Variants in IGSF11 observed in about 807,000 individuals in gnomAD.
IGSF11 encodes immunoglobulin superfamily member 11.
In IGSF11, 22 loss-of-function variants were observed where a neutral mutation model predicts 41.0. The observed-to-expected ratio is 0.54, with a 90% CI of 0.38 to 0.77. The LOEUF (loss-of-function observed/expected upper bound fraction) is 0.77. Among genes scored for constraint, IGSF11 ranks in the 30% least tolerant of loss-of-function variants. The pLI, the probability that IGSF11 is intolerant of heterozygous loss-of-function variation, is 0.00. For missense variants in IGSF11, 444 were observed against 530.8 expected (o/e 0.84, Z 1.61); for synonymous variants, 219 against 201.3 (o/e 1.09, Z -0.74).
intron 1 of IGSF11, among the ~76,000 whole-genome samples, chr3:119,063,463 T>A (rs1942118693): frequency 6.6e-6 from 1 of 152,162 alleles, no homozygotes; most frequent in Non-Finnish European, 1.5e-5. Context: ...CATGAGGGGT[T>A]TTTTTGTTAT....
chr3:119,102,707 T>G (rs997495491), intron 1 of IGSF11, among the ~76,000 whole-genome samples: 6 of 152,214 alleles, frequency 3.9e-5, no homozygotes, highest in South Asian at 2.1e-4. Context: ...TTCTAAATTT[T>G]TTGTGGATTC....
intron 1 of IGSF11, among the ~76,000 whole-genome samples, chr3:119,088,515 C>T (rs996890486): frequency 3.3e-5 from 5 of 151,826 alleles, no homozygotes; most frequent in Admixed American, 6.6e-5. Context: ...TGCCTAAAGG[C>T]ACTACAAAAA....
intron 4 of IGSF11, among the ~76,000 whole-genome samples, chr3:118,908,958 T>C (rs999680166): frequency 3.9e-5 from 6 of 152,190 alleles, no homozygotes; most frequent in African/African-American, 1.4e-4. Context: ...ATCTGTAATA[T>C]GGAGCTACCA....
intron 1 of IGSF11, among the ~76,000 whole-genome samples, chr3:119,045,400 T>C (rs1424417784): frequency 1.3e-5 from 2 of 152,060 alleles, no homozygotes; most frequent in African/African-American, 4.8e-5. Context: ...ACCTGGAAAA[T>C]CGGGTCACTC....
chr3:119,085,718 G>T (rs529073464), intron 1 of IGSF11, among the ~76,000 whole-genome samples: 157 of 152,328 alleles, frequency 1.0e-3, no homozygotes, highest in African/African-American at 3.7e-3. Flanking sequence ...TTCTTGAGCT[G>T]AAGACTTCAT....
At chr3:118,996,879 G>A (rs898947902) in intron 1 of IGSF11, among the ~76,000 whole-genome samples, 2 of 152,182 alleles carry the variant, frequency 1.3e-5, no homozygotes, top group East Asian at 1.9e-4. Flanking sequence ...GATTACAGGC[G>A]TGAGCCACCG....
chr3:118,944,113 AT>A lies in IGSF11; in HGVS notation c.53-13839del, dbSNP rs1471947485. ...TTAAAATTTTTCTTGATTTTTAGAT[AT>A]GTTTGTGTTAGTACTAATTTAACTT... On this transcript the variant is annotated intron_variant, in intron 1 of 6. Coordinates refer to ENST00000393775, the MANE Select transcript of IGSF11 (RefSeq NM_001015887.3). Among the ~76,000 whole-genome samples, 11 of 152,318 alleles carry A rather than the reference AT, an allele frequency of 7.2e-5. No homozygotes were observed. In the East Asian group the frequency reaches 1.4e-3, roughly 19 times the overall value.
intron 1 of IGSF11, among the ~76,000 whole-genome samples, chr3:119,110,968 T>G (rs1376494303): frequency 2.6e-5 from 4 of 151,954 alleles, no homozygotes; most frequent in Admixed American, 6.6e-5. Context: ...CCGCTATTAG[T>G]CTGATGGGCT....
At chr3:118,903,631 G>A (rs1939201444) in intron 6 of IGSF11, among the ~76,000 whole-genome samples, 1 of 152,076 alleles carries the variant, frequency 6.6e-6, no homozygotes, top group Non-Finnish European at 1.5e-5. Flanking sequence ...AAACGCTTAA[G>A]AATTACAACA....
intron 1 of IGSF11, among the ~76,000 whole-genome samples, chr3:119,017,188 T>G (rs888819772): frequency 1.3e-5 from 2 of 152,278 alleles, no homozygotes; most frequent in South Asian, 4.1e-4. Flanking sequence ...CACGTTTCAC[T>G]TAATGACAGG....
intron 4 of IGSF11, among the ~76,000 whole-genome samples, chr3:118,909,264 CTG>C (rs1261488800): frequency 6.6e-6 from 1 of 151,996 alleles, no homozygotes; most frequent in East Asian, 1.9e-4. Flanking sequence ...CTATAATAAA[CTG>C]AACATTTCTT....
At chr3:119,104,960 G>C (rs1352000899) in intron 1 of IGSF11, among the ~76,000 whole-genome samples, 1 of 151,952 alleles carries the variant, frequency 6.6e-6, no homozygotes, top group East Asian at 1.9e-4. Context: ...ACATAGCAAG[G>C]GCTCAATAAA....
chr3:118,930,373 T>C (rs1383270189), intron 1 of IGSF11, 98 bp from the exon 2 acceptor site: 4 of 1,174,184 alleles, frequency 3.4e-6, no homozygotes, highest in Admixed American at 2.5e-5. Context: ...CACATTATTA[T>C]TGATTATGTG....
At chr3:119,046,691 G>A (rs1178824012) in intron 1 of IGSF11, among the ~76,000 whole-genome samples, 1 of 152,018 alleles carries the variant, frequency 6.6e-6, no homozygotes, top group African/African-American at 2.4e-5. Flanking sequence ...ACACATAATT[G>A]TCAGATTCAC....
chr3:118,948,691 C>T lies in IGSF11; in HGVS notation c.53-18416G>A, dbSNP rs140734231. Among the ~76,000 whole-genome samples the T allele has an allele frequency of 3.4e-3, 518 of 152,160 alleles. 3 individuals are homozygous for T. Among genetic ancestry groups the T allele is most frequent in the African/African-American group, 0.011 (463 of 41,514 alleles). Reference sequence around the variant, plus strand: ...CTTAAAAAGCAAACATTAGGCCGGGCGTGATGGCTCACGCCTGTAATCCCA... The same window carrying T: ...CTTAAAAAGCAAACATTAGGCCGGGTGTGATGGCTCACGCCTGTAATCCCA... On this transcript the variant is annotated intron_variant, in intron 1 of 6. Coordinates refer to ENST00000393775, the MANE Select transcript of IGSF11 (RefSeq NM_001015887.3).
chr3:118,997,863 A>G (rs1306503767), intron 1 of IGSF11, among the ~76,000 whole-genome samples: 1 of 152,200 alleles, frequency 6.6e-6, no homozygotes, highest in Non-Finnish European at 1.5e-5. Flanking sequence ...AAAATATTTA[A>G]TATAATGTAC....
In IGSF11 at chr3:118,913,413, T is replaced by C. The variant is rs546889836; in HGVS notation, c.581-7695A>G. On this transcript the variant is annotated intron_variant, in intron 4 of 6. Coordinates refer to ENST00000393775, the MANE Select transcript of IGSF11 (RefSeq NM_001015887.3). ...TACAGAACACCAAGTACAAAACAAC[T>C]GCAAAAAGCAAAGGAAGGAAAACAC... Among the ~76,000 whole-genome samples the C allele has an allele frequency of 1.6e-4, 24 of 151,874 alleles. 1 individual carries two copies. The South Asian group carries it at 4.6e-3, about 29-fold the overall frequency.
At chr3:119,128,916 A>G (rs1321389493) in intron 1 of IGSF11, among the ~76,000 whole-genome samples, 3 of 152,218 alleles carry the variant, frequency 2.0e-5, no homozygotes, top group Non-Finnish European at 4.4e-5. Flanking sequence ...AACCAACCCA[A>G]ATTCCCATCA....
At chr3:119,141,042 T>TTA (rs371250484) in intron 1 of IGSF11, among the ~76,000 whole-genome samples, 1 of 99,782 alleles carries the variant, frequency 1.0e-5, no homozygotes, top group Non-Finnish European at 1.9e-5. Flanking sequence ...TCTGTCTCAT[T>TTA]AAAAAAAAAA....
Sources: gnomAD v4.1 joint callset for allele counts (sites outside exome capture counted in the v4.1 genomes callset) on GRCh38, gnomAD v4.1.1 for gene constraint, MANE v1.5 for transcripts, NCBI Gene and HGNC (gene_info 2026-07-23, HGNC 2026-07-21) for gene names.